The following CAPN7 variants were observed in gnomAD, a reference collection of about 807,000 sequenced individuals.
The protein encoded by CAPN7 is calpain-7.
In CAPN7, 72 loss-of-function variants were observed where a neutral mutation model predicts 115.2. The observed-to-expected ratio is 0.63, with a 90% confidence interval of 0.52 to 0.76. CAPN7 has a LOEUF of 0.76. Among genes scored for constraint, CAPN7 ranks in the 30% least tolerant of loss-of-function variants. The pLI is 0.00. For synonymous variants in CAPN7, 344 were observed against 322.3 expected, an observed-to-expected ratio of 1.07 and a Z score of -0.72; for missense variants, 905 against 971.5, an observed-to-expected ratio of 0.93 and a Z score of 0.91.
Position 15,250,956 on chromosome 3 carries a change from G to GT in CAPN7, c.2231dup (p.Thr745AsnfsTer18), listed in dbSNP as rs1559415896. On this transcript the variant is annotated frameshift_variant, in exon 20 of 21. Transcript: ENST00000253693. LOFTEE classifies it high-confidence loss of function. ...GCAATATAGCGTTGGATTTGAGGTT[G>GT]TAACAGTTTCTACTCTAGGAGATCC... 1.9e-6 allele frequency: 3 copies of GT among 1,612,516 alleles called. No individual in the cohort carries two copies. Among genetic ancestry groups the GT allele is most frequent in the East Asian group, 2.2e-5 (1 of 44,826 alleles).
chr3:15,248,768 G>A (rs922689049), intron 19 of CAPN7, among the ~76,000 whole-genome samples: 1 of 152,078 alleles, frequency 6.6e-6, no homozygotes, highest in African/African-American at 2.4e-5. Context: ...CAAGACAGGA[G>A]GATCGAGTTC....
chr3:15,249,006 C>CAAAAAAAAAAAAAAAAAAAAAAAAA (rs1460568964), intron 19 of CAPN7, among the ~76,000 whole-genome samples: 5 of 50,696 alleles, frequency 9.9e-5, no homozygotes, highest in South Asian at 8.7e-4. Flanking sequence ...ATACAACAAC[C>CAAAAAAAAAAAAAAAAAAAAAAAAA]AAAAAAAAAA....
chr3:15,207,255 A>G (rs1452499630), intron 1 of CAPN7, among the ~76,000 whole-genome samples: 1 of 152,216 alleles, frequency 6.6e-6, no homozygotes, highest in Non-Finnish European at 1.5e-5. Flanking sequence ...GTATTTGTGC[A>G]TCTAAACATA....
In CAPN7 at chr3:15,207,352, G is replaced by T. The variant is rs76307915; in HGVS notation, c.102+755G>T. ...CACTTACCCACAAAAGGAGCTTGCA[G>T]GACTGGAAGTTGCTCTGAGTTGGTG... On this transcript the variant is annotated intron_variant, in intron 1 of 20. Coordinates refer to ENST00000253693, the MANE Select transcript of CAPN7 (RefSeq NM_014296.3). 1.8e-4 allele frequency among the ~76,000 whole-genome samples: 27 copies of T among 152,338 alleles called. No individual in the cohort carries two copies. In the East Asian group the frequency reaches 5.2e-3, roughly 29 times the overall value.
At chr3:15,212,444 T>G (rs1387127318) in intron 2 of CAPN7, among the ~76,000 whole-genome samples, 1 of 152,200 alleles carries the variant, frequency 6.6e-6, no homozygotes, top group African/African-American at 2.4e-5. Flanking sequence ...TTTCCCAGAG[T>G]GCAGAGATGG....
intron 4 of CAPN7, 102 bp from the exon 5 acceptor site, chr3:15,220,679 C>G: frequency 1.1e-6 from 1 of 913,982 alleles, no homozygotes; most frequent in Non-Finnish European, 1.7e-6. Context: ...ACTAATTTTA[C>G]ATTAGGGATG....
chr3:15,241,829 G>C (rs565992053), intron 15 of CAPN7, among the ~76,000 whole-genome samples: 2 of 152,246 alleles, frequency 1.3e-5, no homozygotes, highest in South Asian at 4.1e-4. Context: ...TTTTCAGTGA[G>C]GGTTTGGGGG....
In CAPN7 at chr3:15,247,730, A is replaced by T. The variant is rs963917322; in HGVS notation, c.2204+273A>T. ...AAAGGCAAAACAATACAGCTTCTAGATGATAATGCAGGAAATGTTTTAACC... is the reference window on the plus strand; with the variant it reads ...AAAGGCAAAACAATACAGCTTCTAGTTGATAATGCAGGAAATGTTTTAACC... On this transcript the variant is annotated intron_variant, in intron 19 of 20. Transcript: ENST00000253693. Among the ~76,000 whole-genome samples the T allele has an allele frequency of 4.3e-4, 66 of 152,320 alleles. 1 individual carries two copies. The highest frequency in any genetic ancestry group is 1.5e-3 in the African/African-American group (64 of 41,564).
intron 19 of CAPN7, among the ~76,000 whole-genome samples, chr3:15,249,137 A>G (rs986054840): frequency 4.6e-5 from 7 of 152,182 alleles, no homozygotes; most frequent in African/African-American, 1.7e-4. Context: ...TTAGATACGA[A>G]GATTTGATTA....
chr3:15,238,006 ACT>A (rs1422021417), intron 12 of CAPN7, among the ~76,000 whole-genome samples: 4 of 143,038 alleles, frequency 2.8e-5, no homozygotes, highest in African/African-American at 1.1e-4. Context: ...TTTCTCCAGT[ACT>A]CTTTTATTGG....
intron 11 of CAPN7, among the ~76,000 whole-genome samples, chr3:15,234,519 T>C (rs759322097): frequency 1.4e-4 from 21 of 152,110 alleles, no homozygotes; most frequent in Non-Finnish European, 2.5e-4. Flanking sequence ...AATATTAGAA[T>C]ATGTAATATA....
rs780195816 is a variant in CAPN7 at position 15,229,070 on chromosome 3, G to GTC, written c.938+17_938+18dup. 20 of 1,587,484 alleles carry GTC rather than the reference G, an allele frequency of 1.3e-5. No individual in the cohort carries two copies. The South Asian group carries it at 2.1e-4, about 17-fold the overall frequency. The stretch of plus-strand genomic sequence containing the variant: ...GAAGTTAATTACCGGGTAAAAATGT[G>GTC]TCTCTCTTTACCTCTTTTTGTGTAA... On this transcript the variant is annotated intron_variant, in intron 8 of 20. Coordinates refer to ENST00000253693, the MANE Select transcript of CAPN7 (RefSeq NM_014296.3).
At chr3:15,239,957 G>T (rs1462392408) in intron 12 of CAPN7, among the ~76,000 whole-genome samples, 1 of 152,196 alleles carries the variant, frequency 6.6e-6, no homozygotes, top group East Asian at 1.9e-4. Context: ...ATTGAATAAG[G>T]ATTTTATTGC....
intron 4 of CAPN7, among the ~76,000 whole-genome samples, chr3:15,219,654 C>A (rs576659745): frequency 6.6e-6 from 1 of 152,154 alleles, no homozygotes; most frequent in Non-Finnish European, 1.5e-5. Flanking sequence ...ACTTATGGAT[C>A]CATTCTCTAG....
intron 1 of CAPN7, among the ~76,000 whole-genome samples, chr3:15,210,354 T>C (rs971207622): frequency 6.6e-6 from 1 of 152,166 alleles, no homozygotes; most frequent in African/African-American, 2.4e-5. Context: ...ATGTGTATTA[T>C]ATACTTATAT....
Position 15,242,367 on chromosome 3 carries a change from G to C in CAPN7, c.1864+114G>C, listed in dbSNP as rs111906995. On this transcript the variant is annotated intron_variant, in intron 16 of 20. Coordinates refer to ENST00000253693, the MANE Select transcript of CAPN7 (RefSeq NM_014296.3). ...GATAATATAGAGAAATAATTATGTT[G>C]ATAGACTAATAGAAACCACTCAAGC... The C allele has an allele frequency of 3.1e-4, 203 of 656,380 alleles. No individual in the cohort carries two copies. The African/African-American group carries it at 3.3e-3, about 11-fold the overall frequency. 40.7% of individuals were successfully genotyped at this position (656,380 alleles called of 1,614,324 possible). A position where few individuals can be genotyped will look rare whatever the true frequency, so the allele number is the denominator to read the frequency against.
intron 6 of CAPN7, 109 bp downstream of exon 6, chr3:15,223,670 GA>G: frequency 1.5e-6 from 1 of 687,966 alleles, no homozygotes; most frequent in South Asian, 1.9e-5. Flanking sequence ...AAATTTGTTG[GA>G]ATAGAGGGGT....
At chr3:15,237,223 T>G (rs1350897825) in intron 12 of CAPN7, among the ~76,000 whole-genome samples, 1 of 151,372 alleles carries the variant, frequency 6.6e-6, no homozygotes, top group Admixed American at 6.5e-5. Flanking sequence ...CACAAGTACT[T>G]TACCTGAGCT....
At chr3:15,207,712 A>G (rs2044709401) in intron 1 of CAPN7, among the ~76,000 whole-genome samples, 1 of 151,728 alleles carries the variant, frequency 6.6e-6, no homozygotes, top group South Asian at 2.1e-4. Flanking sequence ...CGTCAGGATC[A>G]TCAATATTAC....
Sources: gnomAD v4.1 joint callset for allele counts (sites outside exome capture counted in the v4.1 genomes callset) on GRCh38, gnomAD v4.1.1 for gene constraint, MANE v1.5 for transcripts, NCBI Gene and HGNC (gene_info 2026-07-23, HGNC 2026-07-21) for gene names.